The following SDR16C5 variants were observed in gnomAD, a reference collection of about 807,000 sequenced individuals.
The protein encoded by SDR16C5 is epidermal retinol dehydrogenase 2.
In SDR16C5, 20 loss-of-function variants were observed where a neutral mutation model predicts 27.7. The observed-to-expected ratio is 0.72, with a 90% CI of 0.51 to 1.05. The LOEUF (loss-of-function observed/expected upper bound fraction) is 1.05, where lower values mean the gene tolerates loss of function less well. Among genes scored for constraint, SDR16C5 ranks in the 50% least tolerant of loss-of-function variants. SDR16C5 has a pLI of 0.00. For synonymous variants in SDR16C5, 139 were observed against 132.3 expected (o/e 1.05, Z -0.35); for missense variants, 374 against 366.3 (o/e 1.02, Z -0.17).
intron 1 of SDR16C5, among the ~76,000 whole-genome samples, chr8:56,316,761 G>A (rs2129262070): frequency 6.6e-6 from 1 of 152,304 alleles, no homozygotes; most frequent in Non-Finnish European, 1.5e-5. Flanking sequence ...ACATCACAAT[G>A]TTTATAACAT....
chr8:56,302,714 C>T (rs1279567141), intron 6 of SDR16C5, among the ~76,000 whole-genome samples: 1 of 151,416 alleles, frequency 6.6e-6, no homozygotes, highest in East Asian at 1.9e-4. Flanking sequence ...GATGTGGTGG[C>T]TCATGCTTGT....
In SDR16C5 at chr8:56,316,378, A is replaced by G; in HGVS notation, c.-14-17T>C. 6.7e-7 allele frequency: 1 copy of G among 1,486,776 alleles called. No homozygotes were observed. The highest frequency in any genetic ancestry group is 9.4e-7 in the Non-Finnish European group (1 of 1,066,716). 92.1% of individuals were successfully genotyped at this position (1,486,776 alleles called of 1,614,324 possible). A position where few individuals can be genotyped will look rare whatever the true frequency, so the allele number is the denominator to read the frequency against. ...GGCTGACACCTGTGAAGAAAGACAG[A>G]TTCACATGAAGACTTATTTGTCCAT... On this transcript the variant is annotated splice_polypyrimidine_tract_variant and intron_variant, in intron 1 of 6. Coordinates refer to ENST00000303749, the MANE Select transcript of SDR16C5 (RefSeq NM_138969.4).
intron 3 of SDR16C5, among the ~76,000 whole-genome samples, chr8:56,311,307 C>T (rs899234498): frequency 6.6e-6 from 1 of 152,074 alleles, no homozygotes; most frequent in African/African-American, 2.4e-5. Context: ...CCCAGCTACT[C>T]AGGTGGCTGA....
intron 3 of SDR16C5, among the ~76,000 whole-genome samples, chr8:56,310,042 G>A (rs72656055): frequency 0.058 from 8,771 of 150,308 alleles, 313 homozygotes; most frequent in Middle Eastern, 0.086. Context: ...AGAGGAGGAA[G>A]AGGAAGAGGA....
chr8:56,313,649 G>T (rs1294516294), intron 2 of SDR16C5, among the ~76,000 whole-genome samples: 4 of 152,144 alleles, frequency 2.6e-5, no homozygotes, highest in Non-Finnish European at 4.4e-5. Context: ...TTTTGTATAT[G>T]GTCCATCACT....
intron 6 of SDR16C5, 37 bp from the exon 7 acceptor site, chr8:56,301,610 A>T (rs1814757121): frequency 6.8e-7 from 1 of 1,475,540 alleles, no homozygotes; most frequent in African/African-American, 1.4e-5. Context: ...CTTTATTATC[A>T]TTCATGAAAG....
intron 5 of SDR16C5, among the ~76,000 whole-genome samples, chr8:56,306,032 A>C (rs776013297): frequency 5.9e-5 from 9 of 152,238 alleles, no homozygotes; most frequent in Non-Finnish European, 1.5e-5. Context: ...CATTGCCTGT[A>C]GTCTCCATGA....
chr8:56,319,341 A>T (rs1479308557), intron 1 of SDR16C5, among the ~76,000 whole-genome samples: 1 of 152,196 alleles, frequency 6.6e-6, no homozygotes, highest in Non-Finnish European at 1.5e-5. Context: ...AAAATAATTA[A>T]TGGCTAGAAC....
rs367892427 is a variant in SDR16C5, at chr8:56,300,129, C to A, written c.*1351G>T. On this transcript the variant is annotated 3_prime_UTR_variant, in exon 7 of 7. Coordinates refer to ENST00000303749, the MANE Select transcript of SDR16C5 (RefSeq NM_138969.4). ...GTCAAATACTTAATTTGCTGCCGGG[C>A]ACAGTAAATGTTAGTTATGATTGTT... 1 of 151,660 alleles carries A rather than the reference C, an allele frequency of 6.6e-6. No homozygotes were observed. Among genetic ancestry groups the A allele is most frequent in the Admixed American group, 6.6e-5 (1 of 15,236 alleles). 9.4% of individuals were successfully genotyped at this position (151,660 alleles called of 1,614,324 possible). A position where few individuals can be genotyped will look rare whatever the true frequency, so the allele number is the denominator to read the frequency against.
intron 5 of SDR16C5, 108 bp downstream of exon 5, chr8:56,306,568 A>G: frequency 9.9e-7 from 1 of 1,014,734 alleles, no homozygotes. Context: ...TATAAATCAT[A>G]CTGAATCCCA....
At chr8:56,302,293 G>C (rs1365722542) in intron 6 of SDR16C5, among the ~76,000 whole-genome samples, 1 of 152,166 alleles carries the variant, frequency 6.6e-6, no homozygotes, top group Non-Finnish European at 1.5e-5. Flanking sequence ...ATCTCCAGGT[G>C]GTTCATCCCT....
intron 3 of SDR16C5, 35 bp from the exon 4 acceptor site, chr8:56,309,062 G>T: frequency 7.0e-7 from 1 of 1,435,580 alleles, no homozygotes; most frequent in Non-Finnish European, 9.6e-7. Context: ...AATGTTTAAT[G>T]CCACATTGTA....
In SDR16C5 at chr8:56,316,163, C is replaced by A; in HGVS notation, c.185G>T (p.Arg62Leu). ...LGRLLALQFARLGSVLVLWDI... is the reference protein window; with the variant it reads ...LGRLLALQFALLGSVLVLWDI... ...CCAGAGAACAAGAACAGATCCCAGC[C>A]GGGCAAACTGCAAGGCTAAGAGCCT... Residue 62 changes from arginine to leucine, a missense_variant, in exon 2 of 7, where the codon CGG (arginine) becomes CTG (leucine). Physicochemically the swap from Arg to Leu is moderately radical, Grantham distance 102. Transcript: ENST00000303749. The A allele has an allele frequency of 6.2e-7, 1 of 1,614,128 alleles. No individual in the cohort carries two copies. The highest frequency in any genetic ancestry group is 8.5e-7 in the Non-Finnish European group (1 of 1,180,008).
chr8:56,301,753 C>T (rs1347723603), intron 6 of SDR16C5, among the ~76,000 whole-genome samples, 180 bp from the exon 7 acceptor site: 1 of 152,182 alleles, frequency 6.6e-6, no homozygotes, highest in African/African-American at 2.4e-5. Context: ...TATCCGGGGA[C>T]ACTCGCCCAG....
At chr8:56,317,523 G>T (rs1167796581) in intron 1 of SDR16C5, among the ~76,000 whole-genome samples, 1 of 152,220 alleles carries the variant, frequency 6.6e-6, no homozygotes, top group Non-Finnish European at 1.5e-5. Flanking sequence ...TCTGAATGGG[G>T]TGTTTAATTG....
chr8:56,312,071 C>A, intron 3 of SDR16C5, 86 bp downstream of exon 3: 1 of 1,171,478 alleles, frequency 8.5e-7, no homozygotes, highest in South Asian at 1.3e-5. Flanking sequence ...TACTTAGAGG[C>A]TAATAATATT....
intron 6 of SDR16C5, 143 bp from the exon 7 acceptor site, chr8:56,301,716 C>T (rs982251878): frequency 9.7e-6 from 6 of 621,570 alleles, no homozygotes; most frequent in East Asian, 5.5e-5. Flanking sequence ...TGCTACCCGC[C>T]TCAGGGTCAC....
At chr8:56,317,200 C>T (rs531606814) in intron 1 of SDR16C5, among the ~76,000 whole-genome samples, 8 of 152,208 alleles carry the variant, frequency 5.3e-5, no homozygotes, top group African/African-American at 1.7e-4. Context: ...GAATGTTCCA[C>T]GTATGACCAC....
At chr8:56,312,394 A>G (rs1815068336) in intron 2 of SDR16C5, 106 bp from the exon 3 acceptor site, 1 of 1,022,972 alleles carries the variant, frequency 9.8e-7, no homozygotes. Flanking sequence ...ATTCATACTG[A>G]GTTTATGCAC....
Sources: gnomAD v4.1 joint callset for allele counts (sites outside exome capture counted in the v4.1 genomes callset) on GRCh38, gnomAD v4.1.1 for gene constraint, MANE v1.5 for transcripts, NCBI Gene and HGNC (gene_info 2026-07-23, HGNC 2026-07-21) for gene names.